FKBP9: variants seen among roughly 807,000 people sequenced by gnomAD.
FKBP9 encodes peptidyl-prolyl cis-trans isomerase FKBP9.
A neutral mutation model predicts 55.6 loss-of-function variants in FKBP9; 27 were observed. The ratio of observed to expected loss-of-function variants is 0.49; its 90% CI spans 0.36 to 0.67. The LOEUF (loss-of-function observed/expected upper bound fraction) is 0.67. Among genes scored for constraint, FKBP9 ranks in the 30% least tolerant of loss-of-function variants. FKBP9 has a pLI of 0.00. For missense variants in FKBP9, 539 were observed against 742.8 expected, an observed-to-expected ratio of 0.73 and a Z score of 3.19; for synonymous variants, 267 against 296.5, an observed-to-expected ratio of 0.90 and a Z score of 1.02.
At chr7:32,965,845 G>GTACACATATATATATA (rs1562563036) in intron 1 of FKBP9, among the ~76,000 whole-genome samples, 1 of 76,760 alleles carries the variant, frequency 1.3e-5, no homozygotes, top group Non-Finnish European at 2.2e-5. Flanking sequence ...ATATATATAT[G>GTACACATATATATATA]TGTGTACAGA....
intron 1 of FKBP9, among the ~76,000 whole-genome samples, chr7:32,959,702 G>T (rs140372292): frequency 7.4e-4 from 112 of 152,246 alleles, no homozygotes; most frequent in African/African-American, 2.5e-3. Context: ...TTGTATAAAT[G>T]GAATCATATA....
In FKBP9 at chr7:32,965,797, CAA is replaced by C. The variant is rs760247071; in HGVS notation, c.221+8018_221+8019del. Among the ~76,000 whole-genome samples, 202 of 38,556 alleles carry C rather than the reference CAA, an allele frequency of 5.2e-3. 5 individuals carry two copies. The highest frequency in any genetic ancestry group is 0.028 in the Middle Eastern group (1 of 36). 25.3% of individuals were successfully genotyped at this position (38,556 alleles called of 152,430 possible). A position where few individuals can be genotyped will look rare whatever the true frequency, so the allele number is the denominator to read the frequency against. ...TGGGCAACAGAGCGAGACTCCATGT[CAA>C]AAAAAAAAAAAAAATATATATATAT... On this transcript the variant is annotated intron_variant, in intron 1 of 9. Coordinates refer to ENST00000242209, the MANE Select transcript of FKBP9 (RefSeq NM_007270.5).
intron 5 of FKBP9, 134 bp downstream of exon 5, chr7:32,980,687 G>A (rs1784459995): frequency 7.3e-7 from 1 of 1,364,574 alleles, no homozygotes; most frequent in African/African-American, 1.5e-5. Flanking sequence ...ACAAGTTTCT[G>A]TTTTCTGATA....
chr7:32,990,160 C>T (rs1400087869), intron 6 of FKBP9, among the ~76,000 whole-genome samples: 1 of 152,166 alleles, frequency 6.6e-6, no homozygotes, highest in Non-Finnish European at 1.5e-5. Context: ...AGGGACTTTA[C>T]AGATTTGATT....
In FKBP9 at chr7:32,988,652, G is replaced by A. The variant is rs752649846; in HGVS notation, c.1039G>A (p.Gly347Arg). ...PHLGYGEEGR[G>R]NIPGSAVLVF... is the part of the protein sequence containing the mutation. Reference sequence around the variant, plus strand: ...CCTGGGGTATGGAGAGGAAGGAAGAGGTGAGCATCAGCATCACCTGCCTTC... The same window carrying A: ...CCTGGGGTATGGAGAGGAAGGAAGAAGTGAGCATCAGCATCACCTGCCTTC... The change falls in exon 6 of 10, where the codon GGG becomes AGG. Residue 347 changes from glycine to arginine, a missense_variant and splice_region_variant. Transcript: ENST00000242209. 1.2e-6 allele frequency: 2 copies of A among 1,613,824 alleles called. No individual in the cohort carries two copies. Among genetic ancestry groups the A allele is most frequent in the Admixed American group, 1.7e-5 (1 of 60,010 alleles).
In FKBP9 at chr7:32,999,805, C is replaced by T. The variant is rs1411138873; in HGVS notation, c.1227-310C>T. On this transcript the variant is annotated intron_variant, in intron 7 of 9. Transcript: ENST00000242209. ...TCTCACAGGCTGGAGTGCAGGGGCA[C>T]GATCCTGGCTCACTGCAGCCTCCAC... 4.7e-4 allele frequency among the ~76,000 whole-genome samples: 72 copies of T among 152,086 alleles called. 1 individual carries two copies. Among genetic ancestry groups the T allele is most frequent in the Admixed American group, 4.7e-3 (72 of 15,264 alleles).
chr7:33,002,587 G>A (rs1346501622), intron 8 of FKBP9, 89 bp from the exon 9 acceptor site: 5 of 1,553,092 alleles, frequency 3.2e-6, no homozygotes, highest in Non-Finnish European at 4.4e-6. Flanking sequence ...CTCTGAGTGA[G>A]GCTGCTGGAG....
chr7:32,988,908 A>G (rs1784630802), intron 6 of FKBP9: 2 of 299,086 alleles, frequency 6.7e-6, no homozygotes, highest in East Asian at 1.1e-4. Context: ...ACTTCTTGAG[A>G]GCCAAAATAT....
chr7:32,970,713 A>G (rs1784234356), intron 1 of FKBP9, among the ~76,000 whole-genome samples: 2 of 128,314 alleles, frequency 1.6e-5, no homozygotes, highest in South Asian at 5.8e-4. Flanking sequence ...AAATTTGTTT[A>G]TTAGTTGTTT....
chr7:32,978,346 C>G (rs1375176973), intron 4 of FKBP9, among the ~76,000 whole-genome samples: 1 of 151,716 alleles, frequency 6.6e-6, no homozygotes, highest in Admixed American at 6.6e-5. Flanking sequence ...TCTTAATTCT[C>G]CCCCCCACTG....
At position 33,006,610 on chromosome 7, in the gene FKBP9, T is replaced by C. The variant is rs1187800829; in HGVS notation, c.*1259T>C. On this transcript the variant is annotated 3_prime_UTR_variant, in exon 10 of 10. Coordinates refer to ENST00000242209, the MANE Select transcript of FKBP9 (RefSeq NM_007270.5). ...CATCAACAAGGTGACATTTTTCTGC[T>C]GCCCATTTGTGTCCTGGAGACGGTG... 9.5e-6 allele frequency: 2 copies of C among 211,350 alleles called. No homozygotes were observed. The highest frequency in any genetic ancestry group is 4.5e-5 in the African/African-American group (2 of 44,074). The allele number at this position is 211,350 out of a possible 1,614,324, so 13.1% of individuals were successfully genotyped here.
intron 6 of FKBP9, among the ~76,000 whole-genome samples, chr7:32,992,336 C>T (rs28496485): frequency 2.7e-5 from 4 of 150,856 alleles, no homozygotes; most frequent in Admixed American, 6.6e-5. Flanking sequence ...AAACCCACCC[C>T]CCGCAGAGGA....
chr7:33,002,353 G>A (rs987826694), intron 8 of FKBP9, among the ~76,000 whole-genome samples: 9 of 152,078 alleles, frequency 5.9e-5, no homozygotes, highest in Admixed American at 3.9e-4. Context: ...GGCTGGTCTT[G>A]AACTCCTAAT....
intron 6 of FKBP9, chr7:32,993,008 T>G (rs1784714445): frequency 4.3e-6 from 1 of 231,984 alleles, no homozygotes; most frequent in South Asian, 1.8e-4. Context: ...GGAATTCTTG[T>G]GCCTGGAATC....
intron 8 of FKBP9, 61 bp from the exon 9 acceptor site, chr7:33,002,615 T>G (rs1165878127): frequency 2.5e-6 from 4 of 1,588,534 alleles, no homozygotes; most frequent in Admixed American, 3.6e-5. Flanking sequence ...TGGGTGCTGG[T>G]TGTTGGGCTT....
intron 1 of FKBP9, 79 bp downstream of exon 1, chr7:32,957,873 A>G (rs1783933184): frequency 1.8e-6 from 2 of 1,100,114 alleles, no homozygotes; most frequent in Non-Finnish European, 1.2e-6. Context: ...CTCCTGCCGG[A>G]CCTCCCCTAG....
Position 32,988,981 on chromosome 7 carries a change from G to A in FKBP9, c.1039+329G>A, listed in dbSNP as rs1583862655. On this transcript the variant is annotated intron_variant, in intron 6 of 9. Coordinates refer to ENST00000242209, the MANE Select transcript of FKBP9 (RefSeq NM_007270.5). ...TAGATTTAGTTTCTAGAGTTGTCCT[G>A]TTATTTCTCCTTGTTTCTCTGCCCA... is the stretch of plus-strand genomic sequence containing the variant. The A allele has an allele frequency of 2.2e-5, 4 of 183,728 alleles. No homozygotes were observed. In the East Asian group the frequency reaches 5.2e-4, roughly 24 times the overall value. The allele number at this position is 183,728 out of a possible 1,614,324, so 11.4% of individuals were successfully genotyped here.
At chr7:32,964,128 T>C (rs1784086138) in intron 1 of FKBP9, among the ~76,000 whole-genome samples, 1 of 152,246 alleles carries the variant, frequency 6.6e-6, no homozygotes, top group South Asian at 2.1e-4. Flanking sequence ...AGGAGAGTGC[T>C]GAAACGGAGG....
chr7:32,965,812 A>AATATATATAT (rs57598279), intron 1 of FKBP9, among the ~76,000 whole-genome samples: 7 of 34,944 alleles, frequency 2.0e-4, no homozygotes, highest in African/African-American at 8.5e-4. Context: ...AAAAAAAAAA[A>AATATATATAT]ATATATATAT....
Sources: allele counts gnomAD v4.1 joint callset (sites outside exome capture counted in the v4.1 genomes callset), GRCh38; gene constraint gnomAD v4.1.1; transcripts MANE v1.5; gene names NCBI Gene and HGNC (gene_info 2026-07-23, HGNC 2026-07-21).